Variants in LRRC7 observed in about 807,000 individuals in gnomAD.
LRRC7 encodes the protein leucine-rich repeat-containing protein 7.
Under a neutral mutation model 175.7 loss-of-function variants are expected in LRRC7, and 23 were observed. The ratio of observed to expected loss-of-function variants is 0.13; its 90% CI spans 0.09 to 0.19. The LOEUF is 0.19. Among genes scored for constraint, LRRC7 ranks in the 10% least tolerant of loss-of-function variants. LRRC7 has a pLI of 1.00. For synonymous variants in LRRC7, 685 were observed against 680.9 expected (o/e 1.01, Z -0.09); for missense variants, 1,354 against 1,904.7 (o/e 0.71, Z 5.38).
chr1:69,861,359 A>G lies in LRRC7; in HGVS notation c.647+23076A>G, dbSNP rs200418119. 2.0e-5 allele frequency among the ~76,000 whole-genome samples: 3 copies of G among 152,316 alleles called. No homozygotes were observed. In the East Asian group the frequency reaches 5.8e-4, roughly 29 times the overall value. On this transcript the variant is annotated intron_variant, in intron 7 of 26. Transcript: ENST00000651989. ...ATTCTTAAACAATTCAGCAGACACA[A>G]CTTAATATGACCTTGTTTCAACATA... is the stretch of plus-strand genomic sequence containing the variant.
chr1:69,933,853 C>T (rs993113003), intron 8 of LRRC7, among the ~76,000 whole-genome samples: 7 of 152,062 alleles, frequency 4.6e-5, no homozygotes, highest in African/African-American at 1.7e-4. Context: ...TCTAAGAAAT[C>T]CTACGAGCAG....
chr1:69,781,140 T>G (rs2101020279), intron 3 of LRRC7, among the ~76,000 whole-genome samples: 1 of 152,306 alleles, frequency 6.6e-6, no homozygotes, highest in African/African-American at 2.4e-5. Flanking sequence ...TATTTGGCAC[T>G]TTGCTAACCC....
At chr1:69,989,257 G>A (rs1348525035) in intron 10 of LRRC7, among the ~76,000 whole-genome samples, 1 of 152,104 alleles carries the variant, frequency 6.6e-6, no homozygotes, top group Non-Finnish European at 1.5e-5. Context: ...GTTGCAGTTA[G>A]ACAGGAGGAA....
intron 7 of LRRC7, among the ~76,000 whole-genome samples, chr1:69,917,131 C>T (rs1271258124): frequency 1.3e-5 from 2 of 152,054 alleles, no homozygotes; most frequent in African/African-American, 2.4e-5. Flanking sequence ...GAACTTTCTC[C>T]TTAAGATAAC....
chr1:69,598,648 A>T (rs977598640), intron 1 of LRRC7, among the ~76,000 whole-genome samples: 1 of 152,174 alleles, frequency 6.6e-6, no homozygotes, highest in Non-Finnish European at 1.5e-5. Context: ...TCTCAACCAA[A>T]AAACAACTTC....
At chr1:69,691,902 T>C (rs897413663) in intron 2 of LRRC7, among the ~76,000 whole-genome samples, 3 of 150,972 alleles carry the variant, frequency 2.0e-5, no homozygotes, top group Non-Finnish European at 4.4e-5. Context: ...ATCCAATAGA[T>C]AACTTTCATA....
chr1:69,915,294 G>T (rs762579919), intron 7 of LRRC7, among the ~76,000 whole-genome samples: 5 of 152,182 alleles, frequency 3.3e-5, no homozygotes, highest in Non-Finnish European at 5.9e-5. Flanking sequence ...AGAGTTTCAA[G>T]CAGGCAAATG....
chr1:69,853,253 C>T (rs1245183850), intron 7 of LRRC7, among the ~76,000 whole-genome samples: 3 of 115,948 alleles, frequency 2.6e-5, no homozygotes, highest in African/African-American at 6.2e-5. Context: ...CCATTTGTTT[C>T]TCTTTTTCCT....
At chr1:69,665,906 C>A (rs1295266260) in intron 1 of LRRC7, among the ~76,000 whole-genome samples, 1 of 151,828 alleles carries the variant, frequency 6.6e-6, no homozygotes, top group Non-Finnish European at 1.5e-5. Flanking sequence ...TGTTCCTGAT[C>A]TTAGAAAAAG....
intron 4 of LRRC7, among the ~76,000 whole-genome samples, chr1:69,822,906 C>T (rs1679467039): frequency 6.6e-6 from 1 of 152,332 alleles, no homozygotes; most frequent in Non-Finnish European, 1.5e-5. Context: ...AACTCCTATT[C>T]TGCCATCTTG....
intron 11 of LRRC7, among the ~76,000 whole-genome samples, chr1:70,005,625 A>C (rs940360830): frequency 6.6e-6 from 1 of 152,206 alleles, no homozygotes; most frequent in African/African-American, 2.4e-5. Flanking sequence ...TACATGACCT[A>C]AACACAACTA....
intron 1 of LRRC7, among the ~76,000 whole-genome samples, chr1:69,634,880 A>G (rs978436383): frequency 1.3e-5 from 2 of 152,138 alleles, no homozygotes; most frequent in Non-Finnish European, 2.9e-5. Flanking sequence ...AATTTGACTG[A>G]GCGGAAAATT....
At chr1:69,795,492 A>G (rs1022731245) in intron 4 of LRRC7, among the ~76,000 whole-genome samples, 2 of 152,162 alleles carry the variant, frequency 1.3e-5, no homozygotes, top group African/African-American at 4.8e-5. Flanking sequence ...GCAAAAAATA[A>G]CTGCAGTGTC....
intron 8 of LRRC7, among the ~76,000 whole-genome samples, chr1:69,967,207 A>T (rs189177690): frequency 1.1e-3 from 172 of 152,160 alleles, no homozygotes; most frequent in African/African-American, 4.0e-3. Context: ...CCAGCATGAC[A>T]CAGCAGAGAC....
At chr1:70,080,763 G>A (rs1663145302) in intron 24 of LRRC7, among the ~76,000 whole-genome samples, 2 of 152,160 alleles carry the variant, frequency 1.3e-5, no homozygotes, top group Admixed American at 1.3e-4. Context: ...GGAGATTTTA[G>A]TGCATAAACC....
chr1:69,915,027 T>C (rs941111779), intron 7 of LRRC7, among the ~76,000 whole-genome samples: 1 of 152,172 alleles, frequency 6.6e-6, no homozygotes. Flanking sequence ...TGGCCAGTGC[T>C]AGAAAAAGAG....
At chr1:69,773,736 A>G (rs1672497342) in intron 3 of LRRC7, among the ~76,000 whole-genome samples, 1 of 152,186 alleles carries the variant, frequency 6.6e-6, no homozygotes, top group Non-Finnish European at 1.5e-5. Context: ...CTCTGTGCTA[A>G]TCACTTCATA....
intron 25 of LRRC7, among the ~76,000 whole-genome samples, chr1:70,101,806 C>T (rs1664824715): frequency 1.3e-5 from 2 of 152,210 alleles, no homozygotes; most frequent in South Asian, 4.1e-4. Context: ...CTATGTGGCT[C>T]ATCCAGCTAG....
chr1:69,705,073 T>C (rs1273097275), intron 2 of LRRC7, among the ~76,000 whole-genome samples: 1 of 152,170 alleles, frequency 6.6e-6, no homozygotes, highest in African/African-American at 2.4e-5. Flanking sequence ...ATTATCTCAA[T>C]TTCTAATTTG....
Sources: gnomAD v4.1 joint callset for allele counts (sites outside exome capture counted in the v4.1 genomes callset) on GRCh38, gnomAD v4.1.1 for gene constraint, MANE v1.5 for transcripts, NCBI Gene and HGNC (gene_info 2026-07-23, HGNC 2026-07-21) for gene names.